Variants in CHST11 observed in about 807,000 individuals in gnomAD.
The protein encoded by CHST11 is carbohydrate sulfotransferase 11, also known as C4S-1.
CHST11 carries 9 observed loss-of-function variants against 30.4 expected under a neutral mutation model. The observed-to-expected ratio is 0.30, with a 90% CI of 0.18 to 0.52. The LOEUF (loss-of-function observed/expected upper bound fraction) is 0.52. Among genes scored for constraint, CHST11 ranks in the 20% least tolerant of loss-of-function variants. The pLI, the probability that CHST11 is intolerant of heterozygous loss-of-function variation, is 0.97. For missense variants in CHST11, 348 were observed against 460.6 expected, an observed-to-expected ratio of 0.76 and a Z score of 2.24; for synonymous variants, 152 against 187.8, an observed-to-expected ratio of 0.81 and a Z score of 1.56.
At chr12:104,518,909 T>C (rs988280820) in intron 1 of CHST11, among the ~76,000 whole-genome samples, 3 of 152,162 alleles carry the variant, frequency 2.0e-5, no homozygotes, top group Non-Finnish European at 4.4e-5. Flanking sequence ...CTTTGAAAGA[T>C]GGTGTTATGC....
At chr12:104,522,886 A>G (rs1405670776) in intron 1 of CHST11, among the ~76,000 whole-genome samples, 1 of 152,160 alleles carries the variant, frequency 6.6e-6, no homozygotes, top group Non-Finnish European at 1.5e-5. Context: ...ATCCTTGATA[A>G]AGGCAAAATG....
chr12:104,653,056 G>A (rs149122695), intron 2 of CHST11, among the ~76,000 whole-genome samples: 7 of 152,234 alleles, frequency 4.6e-5, no homozygotes, highest in African/African-American at 1.4e-4. Context: ...GTTCTGTAGA[G>A]CTCAGTACCT....
chr12:104,525,958 C>T (rs1048413116), intron 1 of CHST11, among the ~76,000 whole-genome samples: 3 of 151,980 alleles, frequency 2.0e-5, no homozygotes, highest in African/African-American at 2.4e-5. Context: ...GAAGAAAGAG[C>T]GTCAAGCCTA....
chr12:104,548,108 G>T (rs969364882), intron 1 of CHST11, among the ~76,000 whole-genome samples: 1 of 152,182 alleles, frequency 6.6e-6, no homozygotes, highest in African/African-American at 2.4e-5. Context: ...ATGCAGGCTT[G>T]TTGCCAGACT....
At chr12:104,715,755 G>A (rs1054307406) in intron 2 of CHST11, among the ~76,000 whole-genome samples, 2 of 152,122 alleles carry the variant, frequency 1.3e-5, no homozygotes, top group Non-Finnish European at 2.9e-5. Flanking sequence ...CCCCTGACAG[G>A]AAGCCTTGCC....
chr12:104,558,654 T>C (rs1407809804), intron 1 of CHST11, among the ~76,000 whole-genome samples: 1 of 150,302 alleles, frequency 6.7e-6, no homozygotes, highest in Non-Finnish European at 1.5e-5. Context: ...TTCTCCTGCC[T>C]TAGCCTCCCA....
intron 2 of CHST11, among the ~76,000 whole-genome samples, chr12:104,692,214 C>T (rs2039902522): frequency 6.6e-6 from 1 of 152,208 alleles, no homozygotes; most frequent in South Asian, 2.1e-4. Context: ...CCGCAGTCCT[C>T]AGAGCGTGCA....
At chr12:104,683,866 A>G (rs149384851) in intron 2 of CHST11, among the ~76,000 whole-genome samples, 115 of 152,246 alleles carry the variant, frequency 7.6e-4, no homozygotes, top group Non-Finnish European at 1.3e-3. Flanking sequence ...AAAATTCACT[A>G]TGATTAGATT....
chr12:104,570,637 A>C lies in CHST11; in HGVS notation c.119-31269A>C, dbSNP rs368053262. On this transcript the variant is annotated intron_variant, in intron 1 of 2. Coordinates refer to ENST00000303694, the MANE Select transcript of CHST11 (RefSeq NM_018413.6). ...AACTCGGGAATTTAGAAGGAATAGC[A>C]ACAGTATTAACAATTGCTACCATTT... Among the ~76,000 whole-genome samples the C allele has an allele frequency of 2.0e-4, 30 of 152,300 alleles. No individual in the cohort carries two copies. The East Asian group carries it at 2.7e-3, about 14-fold the overall frequency.
intron 1 of CHST11, among the ~76,000 whole-genome samples, chr12:104,478,307 A>T (rs1429601942): frequency 3.3e-5 from 5 of 152,188 alleles, no homozygotes; most frequent in Admixed American, 3.3e-4. Context: ...AACATTAAAA[A>T]AATGATTTCC....
At chr12:104,601,740 C>T (rs2038958823) in intron 1 of CHST11, among the ~76,000 whole-genome samples, 166 bp from the exon 2 acceptor site, 1 of 152,238 alleles carries the variant, frequency 6.6e-6, no homozygotes, top group South Asian at 2.1e-4. Context: ...AGACAGACAG[C>T]AGCTGTGCTG....
intron 2 of CHST11, among the ~76,000 whole-genome samples, chr12:104,643,215 A>G: frequency 6.6e-6 from 1 of 151,942 alleles, no homozygotes; most frequent in East Asian, 1.9e-4. Flanking sequence ...AGTCCCAGCT[A>G]CTTGTGGGAG....
chr12:104,580,005 A>G (rs180762372), intron 1 of CHST11, among the ~76,000 whole-genome samples: 6 of 152,356 alleles, frequency 3.9e-5, no homozygotes, highest in African/African-American at 1.4e-4. Context: ...GACAATGATC[A>G]CATAAGATCA....
intron 2 of CHST11, among the ~76,000 whole-genome samples, chr12:104,746,148 A>T (rs1282853994): frequency 6.6e-6 from 1 of 152,222 alleles, no homozygotes; most frequent in African/African-American, 2.4e-5. Flanking sequence ...TGACGGTATC[A>T]GTGAGATCTA....
At chr12:104,731,724 C>T (rs1485427434) in intron 2 of CHST11, among the ~76,000 whole-genome samples, 1 of 152,234 alleles carries the variant, frequency 6.6e-6, no homozygotes, top group African/African-American at 2.4e-5. Flanking sequence ...ATAATGTGTC[C>T]AGTTTCCAGC....
chr12:104,473,231 C>T (rs1281392123), intron 1 of CHST11, among the ~76,000 whole-genome samples: 4 of 152,060 alleles, frequency 2.6e-5, no homozygotes, highest in Admixed American at 2.0e-4. Context: ...TATTCATGAA[C>T]GACTAAAGTG....
chr12:104,689,231 C>G (rs1055507310), intron 2 of CHST11, among the ~76,000 whole-genome samples: 9 of 152,214 alleles, frequency 5.9e-5, no homozygotes, highest in African/African-American at 1.9e-4. Flanking sequence ...TTGGCCTCAG[C>G]CAGAATCCCT....
chr12:104,748,264 A>C (rs1430742225), intron 2 of CHST11, among the ~76,000 whole-genome samples: 1 of 152,204 alleles, frequency 6.6e-6, no homozygotes, highest in African/African-American at 2.4e-5. Context: ...ATTAGATTAC[A>C]GTCATTTCCA....
intron 2 of CHST11, among the ~76,000 whole-genome samples, chr12:104,629,637 C>T (rs2039253048): frequency 6.6e-6 from 1 of 152,180 alleles, no homozygotes; most frequent in Non-Finnish European, 1.5e-5. Context: ...ACTTGGCTAA[C>T]ATGGTGAAAT....
Sources: gnomAD v4.1 joint callset for allele counts (sites outside exome capture counted in the v4.1 genomes callset) on GRCh38, gnomAD v4.1.1 for gene constraint, MANE v1.5 for transcripts, NCBI Gene and HGNC (gene_info 2026-07-23, HGNC 2026-07-21) for gene names.